Variants in OR7E24 observed in about 807,000 individuals in gnomAD.
OR7E24 encodes the protein olfactory receptor 7E24.
For missense variants in OR7E24, 385 were observed against 410.3 expected, an observed-to-expected ratio of 0.94 and a Z score of 0.53; for synonymous variants, 130 against 157.5, an observed-to-expected ratio of 0.83 and a Z score of 1.31.
At chr19:9,240,126 C>T in the OR7E24 span, among the ~76,000 whole-genome samples, 1 of 152,144 alleles carries the variant, frequency 6.6e-6, no homozygotes, top group African/African-American at 2.4e-5. Flanking sequence ...CTGCCTTGGC[C>T]TCTCCAAAGT....
the OR7E24 span, among the ~76,000 whole-genome samples, chr19:9,233,907 C>T: frequency 6.3e-5 from 9 of 143,668 alleles, no homozygotes; most frequent in Non-Finnish European, 1.1e-4. Flanking sequence ...ACATGTCTTT[C>T]TTTTTTTTTT....
At chr19:9,249,209 A>T (rs889192135), upstream of OR7E24, among the ~76,000 whole-genome samples, 1 of 152,216 alleles carries the variant, frequency 6.6e-6, no homozygotes, top group Admixed American at 6.5e-5. Context: ...TATATAAGTA[A>T]GTACTGAGGA....
chr19:9,233,298 C>T, the OR7E24 span, among the ~76,000 whole-genome samples: 1 of 151,964 alleles, frequency 6.6e-6, no homozygotes, highest in South Asian at 2.1e-4. Flanking sequence ...CATTTATTTT[C>T]AAATCTTAAA....
chr19:9,242,629 C>G (rs987545368), upstream of OR7E24, among the ~76,000 whole-genome samples: 4 of 152,188 alleles, frequency 2.6e-5, no homozygotes, highest in African/African-American at 9.7e-5. Context: ...GAACTATAAC[C>G]TGGCAACTTG....
At position 9,251,342 on chromosome 19, in the gene OR7E24, T is replaced by C. The variant is rs2066146346; in HGVS notation, c.299T>C (p.Ile100Thr). Residue 100 changes from isoleucine to threonine, a missense_variant, in exon 1 of 1, where the codon ATT (isoleucine) becomes ACT (threonine). By Grantham distance (89) the Ile-to-Thr change is moderately conservative. Coordinates refer to ENST00000456448, the MANE Select transcript of OR7E24 (RefSeq NM_001079935.2). ...ACCTCCACCACGGTCCCCAAGATGA[T>C]TGTGGACATGCAAACTCACAGCAGA... Reference protein sequence around the residue: ...GFTSTTVPKMIVDMQTHSRVI... With the variant: ...GFTSTTVPKMTVDMQTHSRVI... 6.2e-7 allele frequency: 1 copy of C among 1,614,066 alleles called. No homozygotes were observed. The highest frequency in any genetic ancestry group is 8.5e-7 in the Non-Finnish European group (1 of 1,179,994).
At chr19:9,245,846 G>A (rs76094437), upstream of OR7E24, among the ~76,000 whole-genome samples, 878 of 152,076 alleles carry the variant, frequency 5.8e-3, 17 homozygotes, top group East Asian at 0.04. Flanking sequence ...TCGTGACTGG[G>A]CCTCATGCCA....
rs1215961091 is a variant in OR7E24 at position 9,252,226 on chromosome 19, TTCA to T, written c.*168_*170del. Reference sequence around the variant, plus strand: ...TGGGTGAGTATTCTGGTATCCTTTGTTCATCATACACATCATGAATGATTCCAA... The same window carrying T: ...TGGGTGAGTATTCTGGTATCCTTTGTTCATACACATCATGAATGATTCCAA... On this transcript the variant is annotated 3_prime_UTR_variant, in exon 1 of 1. Coordinates refer to ENST00000456448, the MANE Select transcript of OR7E24 (RefSeq NM_001079935.2). The T allele has an allele frequency of 3.3e-6, 2 of 603,450 alleles. No homozygotes were observed. Among genetic ancestry groups the T allele is most frequent in the Admixed American group, 3.0e-5 (1 of 33,400 alleles). 37.4% of individuals were successfully genotyped at this position (603,450 alleles called of 1,614,324 possible).
chr19:9,243,497 G>A (rs2144933815), upstream of OR7E24, among the ~76,000 whole-genome samples: 1 of 151,972 alleles, frequency 6.6e-6, no homozygotes, highest in East Asian at 1.9e-4. Flanking sequence ...CCCAGTTAGG[G>A]GGTCTCTCTA....
At chr19:9,246,774 T>C (rs1175148184), upstream of OR7E24, among the ~76,000 whole-genome samples, 1 of 152,206 alleles carries the variant, frequency 6.6e-6, no homozygotes, top group East Asian at 1.9e-4. Flanking sequence ...TACAGACTGA[T>C]TCTATTTATG....
At chr19:9,214,290 T>C in the OR7E24 span, 1 of 1,614,168 alleles carries the variant, frequency 6.2e-7, no homozygotes, top group East Asian at 2.2e-5. Context: ...CTTGAGGACC[T>C]GAGCCGGTTC....
At chr19:9,214,853 G>A in the OR7E24 span, 34 of 1,536,524 alleles carry the variant, frequency 2.2e-5, no homozygotes, top group Non-Finnish European at 2.6e-5. Context: ...TGTTGTGTCT[G>A]CTGGGGAAGG....
chr19:9,223,240 A>G, the OR7E24 span, among the ~76,000 whole-genome samples: 1 of 152,084 alleles, frequency 6.6e-6, no homozygotes, highest in Admixed American at 6.6e-5. Context: ...GTGTTCTGCT[A>G]TTGTCTCTTG....
At chr19:9,213,565 C>T in the OR7E24 span, 2 of 279,726 alleles carry the variant, frequency 7.1e-6, no homozygotes, top group East Asian at 1.9e-4. Flanking sequence ...TGGTGGAACC[C>T]TGTCTCTACT....
At chr19:9,223,186 GC>G in the OR7E24 span, among the ~76,000 whole-genome samples, 1 of 152,088 alleles carries the variant, frequency 6.6e-6, no homozygotes, top group Admixed American at 6.5e-5. Flanking sequence ...TGGTCAACCT[GC>G]TCCCCTGGCT....
At chr19:9,230,311 C>G in the OR7E24 span, among the ~76,000 whole-genome samples, 2 of 152,252 alleles carry the variant, frequency 1.3e-5, no homozygotes, top group Middle Eastern at 6.8e-3. Context: ...TCCCAAAGTG[C>G]TGAGATTACA....
At chr19:9,215,072 T>C in the OR7E24 span, among the ~76,000 whole-genome samples, 43 of 152,182 alleles carry the variant, frequency 2.8e-4, 2 homozygotes, top group African/African-American at 9.6e-4. Flanking sequence ...TGGCCGGGCA[T>C]GGTGGCTCAC....
chr19:9,235,498 G>A, the OR7E24 span: 5 of 1,588,386 alleles, frequency 3.1e-6, no homozygotes, highest in Non-Finnish European at 4.3e-6. Flanking sequence ...GGCTGTGATA[G>A]CCTATGACCG....
At chr19:9,245,474 G>A (rs981496149), upstream of OR7E24, among the ~76,000 whole-genome samples, 3 of 152,092 alleles carry the variant, frequency 2.0e-5, no homozygotes, top group East Asian at 3.9e-4. Context: ...TGGTGCAGCA[G>A]TATGAAAATC....
the OR7E24 span, among the ~76,000 whole-genome samples, chr19:9,232,673 A>G: frequency 1.3e-5 from 2 of 152,048 alleles, no homozygotes; most frequent in Admixed American, 6.6e-5. Context: ...GCATTTCACA[A>G]TGGAACTGGA....
Sources: gnomAD v4.1 joint callset for allele counts (sites outside exome capture counted in the v4.1 genomes callset) on GRCh38, gnomAD v4.1.1 for gene constraint, MANE v1.5 for transcripts, NCBI Gene and HGNC (gene_info 2026-07-23, HGNC 2026-07-21) for gene names.